PHTF1: variants seen among roughly 807,000 people sequenced by gnomAD.
PHTF1 encodes putative homeodomain transcription factor 1, also known as protein PHTF1.
Under a neutral mutation model 102.4 loss-of-function variants are expected in PHTF1, and 88 were observed. The ratio of observed to expected loss-of-function variants is 0.86; its 90% CI spans 0.72 to 1.03. The LOEUF is 1.03. PHTF1 is among the 50% of genes least tolerant of loss of function. PHTF1 has a pLI of 0.00. For synonymous variants in PHTF1, 289 were observed against 305.2 expected (o/e 0.95, Z 0.55); for missense variants, 814 against 909.5 (o/e 0.89, Z 1.35).
Position 113,710,450 on chromosome 1 carries a change from C to A in PHTF1, c.1073G>T (p.Gly358Val). 6.2e-7 allele frequency: 1 copy of A among 1,613,762 alleles called. No individual in the cohort carries two copies. The change falls in exon 11 of 19, where the codon GGC (glycine) becomes GTC (valine). Residue 358 changes from glycine to valine, a missense_variant. Transcript: ENST00000369604. The part of the protein sequence containing the change: ...SQGSRSGVSG[G>V]SRSLNMSRRD... ...TCTTGACATGTTGAGGCTTCGAGAG[C>A]CACCACTCACACCCGATCTAGAGCC...
Position 113,699,762 on chromosome 1 carries a change from T to C in PHTF1, c.2084A>G (p.Lys695Arg). The change falls in exon 17 of 19, where the codon AAG becomes AGG. Residue 695 changes from lysine to arginine, a missense_variant. Physicochemically the swap from Lys to Arg is conservative, Grantham distance 26 (BLOSUM62 2). Coordinates refer to ENST00000369604, the MANE Select transcript of PHTF1 (RefSeq NM_001323043.2). ...GTTTACTAGAGTAAGCTGTTCTTTC[T>C]TATTTGGCTTTTTTTCCATCTTAAG... Reference protein sequence around the residue: ...LYLKMEKKPNKKEQLTLVNNV... With the variant: ...LYLKMEKKPNRKEQLTLVNNV... 6.9e-7 allele frequency: 1 copy of C among 1,454,136 alleles called. No homozygotes were observed. The highest frequency in any genetic ancestry group is 1.9e-5 in the Admixed American group (1 of 53,502). 90.1% of individuals were successfully genotyped at this position (1,454,136 alleles called of 1,614,324 possible). A position where few individuals can be genotyped will look rare whatever the true frequency, so the allele number is the denominator to read the frequency against.
chr1:113,741,335 A>T (rs890823870), intron 3 of PHTF1, among the ~76,000 whole-genome samples: 1 of 152,236 alleles, frequency 6.6e-6, no homozygotes, highest in African/African-American at 2.4e-5. Flanking sequence ...AAAATGAGGC[A>T]ACTCAAGGAA....
intron 10 of PHTF1, among the ~76,000 whole-genome samples, chr1:113,711,180 C>T (rs1651038044): frequency 6.6e-6 from 1 of 152,082 alleles, no homozygotes; most frequent in South Asian, 2.1e-4. Context: ...TACTCGTGAA[C>T]AGGATTCAGC....
At chr1:113,748,001 C>T (rs1376888127) in intron 3 of PHTF1, among the ~76,000 whole-genome samples, 2 of 152,152 alleles carry the variant, frequency 1.3e-5, no homozygotes, top group Non-Finnish European at 2.9e-5. Context: ...TCTTTTGAGA[C>T]AGAATCTCGC....
chr1:113,705,770 T>G, intron 13 of PHTF1, 120 bp downstream of exon 13: 1 of 696,098 alleles, frequency 1.4e-6, no homozygotes, highest in Non-Finnish European at 2.4e-6. Flanking sequence ...AAAAGTCCAC[T>G]TATCAATCCT....
At chr1:113,731,157 G>T (rs151264344) in intron 5 of PHTF1, among the ~76,000 whole-genome samples, 1 of 152,166 alleles carries the variant, frequency 6.6e-6, no homozygotes, top group African/African-American at 2.4e-5. Flanking sequence ...TTAAGATGGT[G>T]AATTTCATGT....
At chr1:113,698,749 A>ATTTTTT in intron 17 of PHTF1, 17 of 216,558 alleles carry the variant, frequency 7.9e-5, no homozygotes, top group South Asian at 2.1e-4. Flanking sequence ...TTATTAACCC[A>ATTTTTT]AAACCATCAG....
At chr1:113,734,007 C>T (rs775761128) in intron 5 of PHTF1, among the ~76,000 whole-genome samples, 7 of 152,162 alleles carry the variant, frequency 4.6e-5, no homozygotes, top group Non-Finnish European at 8.8e-5. Flanking sequence ...CACCTGTAAT[C>T]CCAGCACTTT....
At chr1:113,698,530 C>T (rs1237946887) in intron 17 of PHTF1, 143 bp from the exon 18 acceptor site, 2 of 638,344 alleles carry the variant, frequency 3.1e-6, no homozygotes, top group Non-Finnish European at 5.2e-6. Flanking sequence ...TTCAAAAAAT[C>T]CATAACGTGT....
chr1:113,718,480 G>A (rs192892957), intron 7 of PHTF1, among the ~76,000 whole-genome samples: 2 of 152,338 alleles, frequency 1.3e-5, no homozygotes, highest in Admixed American at 1.3e-4. Context: ...ACTAGGTGGT[G>A]CCCCAGTAGG....
chr1:113,705,830 A>T (rs759973518), intron 13 of PHTF1, 60 bp downstream of exon 13: 1 of 1,311,934 alleles, frequency 7.6e-7, no homozygotes, highest in African/African-American at 1.5e-5. Flanking sequence ...GAACAAAAGC[A>T]ACTCAATGGA....
upstream of PHTF1, among the ~76,000 whole-genome samples, chr1:113,759,716 C>G (rs961751112): frequency 5.3e-5 from 8 of 152,236 alleles, no homozygotes; most frequent in African/African-American, 1.9e-4. Flanking sequence ...TCCTCACAAA[C>G]GACTCTCCCA....
rs368024168 is a variant in PHTF1, at chr1:113,742,578, G to A, written c.103-3779C>T. Among the ~76,000 whole-genome samples, 9 of 152,004 alleles carry A rather than the reference G, an allele frequency of 5.9e-5. No homozygotes were observed. The East Asian group carries it at 1.2e-3, about 20-fold the overall frequency. ...TGAGGTTGCAGTGAGCCAAGATCGC[G>A]CCATTGCACTCCAGCCTAGGCGACA... On this transcript the variant is annotated intron_variant, in intron 3 of 18. Coordinates refer to ENST00000369604, the MANE Select transcript of PHTF1 (RefSeq NM_001323043.2).
Position 113,710,407 on chromosome 1 carries a change from G to A in PHTF1, c.1116C>T (p.Thr372=). ...TGTCCTCAGTCTCCGAGTCATGGCG[G>A]GTGCTTTCTGAGTCTCTTCTTGACA... ...LNMSRRDSES[T]RHDSETEDML... is the part of the protein sequence containing the mutation. The change falls in exon 11 of 19, where the codon ACC becomes ACT. Residue 372 remains threonine (T), a synonymous_variant. Coordinates refer to ENST00000369604, the MANE Select transcript of PHTF1 (RefSeq NM_001323043.2). The A allele has an allele frequency of 6.2e-7, 1 of 1,614,046 alleles. No individual in the cohort carries two copies. The highest frequency in any genetic ancestry group is 1.1e-5 in the South Asian group (1 of 91,082).
chr1:113,742,799 G>A (rs1265118360), intron 3 of PHTF1, among the ~76,000 whole-genome samples: 1 of 152,026 alleles, frequency 6.6e-6, no homozygotes, highest in African/African-American at 2.4e-5. Context: ...CATAAACATA[G>A]GCTACACATT....
intron 5 of PHTF1, among the ~76,000 whole-genome samples, chr1:113,737,764 A>T (rs1045832223): frequency 6.6e-6 from 1 of 152,156 alleles, no homozygotes; most frequent in East Asian, 1.9e-4. Context: ...ATGCCACTGC[A>T]CTCCAGCCTG....
At chr1:113,738,052 T>C in intron 5 of PHTF1, 58 bp downstream of exon 5, 1 of 1,249,736 alleles carries the variant, frequency 8.0e-7, no homozygotes. Flanking sequence ...TCTTCATTAT[T>C]TAATAGCAAA....
At chr1:113,712,163 A>T in intron 8 of PHTF1, 50 bp from the exon 9 acceptor site, 1 of 1,462,300 alleles carries the variant, frequency 6.8e-7, no homozygotes, top group South Asian at 1.2e-5. Flanking sequence ...AAAATATTCT[A>T]ATAAGCTGCA....
intron 5 of PHTF1, among the ~76,000 whole-genome samples, chr1:113,737,774 G>A (rs1302255681): frequency 6.6e-6 from 1 of 152,108 alleles, no homozygotes; most frequent in Non-Finnish European, 1.5e-5. Context: ...ACTCCAGCCT[G>A]GGTGACAGAG....
Sources: allele counts gnomAD v4.1 joint callset (sites outside exome capture counted in the v4.1 genomes callset), GRCh38; gene constraint gnomAD v4.1.1; transcripts MANE v1.5; gene names NCBI Gene and HGNC (gene_info 2026-07-23, HGNC 2026-07-21).